Variants in MVK observed in about 807,000 individuals in gnomAD.
The protein encoded by MVK is LH receptor mRNA-binding protein.
In MVK, 34 loss-of-function variants were observed where a neutral mutation model predicts 43.2. That is an observed-to-expected ratio of 0.79 (90% CI 0.60 to 1.05). MVK has a LOEUF of 1.05. MVK is among the 50% of genes least tolerant of loss of function. The pLI, the probability that MVK is intolerant of heterozygous loss-of-function variation, is 0.00. For missense variants in MVK, 395 were observed against 504.0 expected (o/e 0.78, Z 2.07); for synonymous variants, 190 against 219.8 (o/e 0.86, Z 1.20).
chr12:109,586,008 A>T lies in MVK; in HGVS notation c.528-14A>T. 1 of 1,607,156 alleles carries T rather than the reference A, an allele frequency of 6.2e-7. No homozygotes were observed. Among genetic ancestry groups the T allele is most frequent in the East Asian group, 2.2e-5 (1 of 44,834 alleles). On this transcript the variant is annotated splice_polypyrimidine_tract_variant and intron_variant, in intron 5 of 10. Transcript: ENST00000228510. ...CCTCACTGCCACAGTAAAGATGAAC[A>T]TCTGTGTCTTCAGGTGGACCAAGGA...
chr12:109,594,711 G>A (rs1337272437), intron 9 of MVK, among the ~76,000 whole-genome samples: 1 of 152,240 alleles, frequency 6.6e-6, no homozygotes, highest in African/African-American at 2.4e-5. Flanking sequence ...GAAACCCTGG[G>A]AGGGCTGTGA....
intron 7 of MVK, chr12:109,587,134 C>T (rs1885470203): frequency 5.6e-6 from 2 of 356,948 alleles, no homozygotes; most frequent in Non-Finnish European, 1.1e-5. Flanking sequence ...TGATGCTGCA[C>T]TGGGGCGTAG....
At chr12:109,575,850 A>C (rs1884926428) in intron 2 of MVK, 148 bp from the exon 3 acceptor site, 1 of 941,476 alleles carries the variant, frequency 1.1e-6, no homozygotes, top group Non-Finnish European at 1.7e-6. Flanking sequence ...GCTTAGTGGG[A>C]GAGCATGCCA....
In MVK at chr12:109,586,120, C is replaced by T; in HGVS notation, c.626C>T (p.Thr209Ile). ...NPSGVDNAVS[T>I]WGGALRYHQG... ...TCCGGAGTGGACAATGCTGTCAGCA[C>T]CTGGGGTAGGTGTGGCCTCAGGTTT... The change falls in exon 6 of 11, where the codon ACC becomes ATC. Residue 209 changes from threonine (T) to isoleucine (I), a missense_variant. Physicochemically the swap from Thr to Ile is moderately conservative, Grantham distance 89. Coordinates refer to ENST00000228510, the MANE Select transcript of MVK (RefSeq NM_000431.4). The T allele has an allele frequency of 2.5e-6, 4 of 1,612,838 alleles. No individual in the cohort carries two copies. Among genetic ancestry groups the T allele is most frequent in the Non-Finnish European group, 3.4e-6 (4 of 1,178,808 alleles).
chr12:109,586,974 G>T, intron 7 of MVK, 175 bp downstream of exon 7: 4 of 696,322 alleles, frequency 5.7e-6, no homozygotes, highest in Middle Eastern at 3.9e-4. Flanking sequence ...GGGAAGACCT[G>T]CTCTCTCCTT....
chr12:109,587,798 T>C (rs140225171), intron 7 of MVK: 1,574 of 152,414 alleles, frequency 0.01, 20 homozygotes, highest in African/African-American at 0.031. Context: ...CATGCCTCCC[T>C]TTCCAAGGCT....
intron 3 of MVK, among the ~76,000 whole-genome samples, chr12:109,577,528 T>G (rs1885010214): frequency 6.6e-6 from 1 of 152,270 alleles, no homozygotes; most frequent in Admixed American, 6.5e-5. Context: ...CAGGCTGGTC[T>G]GGAACTCCTG....
chr12:109,573,841 GGGCGGCGGCCGGGGA>G lies in MVK; in HGVS notation c.-37_-23del, dbSNP rs1364409887. 2 of 221,570 alleles carry G rather than the reference GGGCGGCGGCCGGGGA, an allele frequency of 9.0e-6. No homozygotes were observed. The highest frequency in any genetic ancestry group is 2.7e-4 in the East Asian group (2 of 7,380). 13.7% of individuals were successfully genotyped at this position (221,570 alleles called of 1,614,324 possible). On this transcript the variant is annotated 5_prime_UTR_variant, in exon 1 of 11. Transcript: ENST00000228510. Reference sequence around the variant, plus strand: ...GAGCTGCTCCGGCTTCGGCGCGGAGGGGCGGCGGCCGGGGAGGCGGCGGCGGCGGCAGGTGAGAGG... The same window carrying G: ...GAGCTGCTCCGGCTTCGGCGCGGAGGGGCGGCGGCGGCGGCAGGTGAGAGG...
upstream of MVK, chr12:109,573,460 C>G: frequency 6.2e-7 from 1 of 1,606,276 alleles, no homozygotes; most frequent in South Asian, 1.1e-5. Context: ...CAAGACGGCT[C>G]CCCAGGCCGC....
chr12:109,582,411 A>G (rs1463026014), intron 5 of MVK, among the ~76,000 whole-genome samples: 1 of 152,102 alleles, frequency 6.6e-6, no homozygotes, highest in Non-Finnish European at 1.5e-5. Context: ...ATCTTGGCTC[A>G]CTGCAACCTC....
rs566491549 is a variant in MVK, at chr12:109,580,914, G to A, written c.372-481G>A. On this transcript the variant is annotated intron_variant, in intron 4 of 10. Transcript: ENST00000228510. ...AGCGGTGGAGGGAGGGAGGGCAGGCGGGGGTCCTAGAAGGGGAGCCAGGAG... is the reference window on the plus strand; with the variant it reads ...AGCGGTGGAGGGAGGGAGGGCAGGCAGGGGTCCTAGAAGGGGAGCCAGGAG... 2.6e-5 allele frequency among the ~76,000 whole-genome samples: 4 copies of A among 152,216 alleles called. No homozygotes were observed. The South Asian group carries it at 8.3e-4, about 32-fold the overall frequency.
At chr12:109,573,459 TC>T (rs1328916645), upstream of MVK, 2 of 1,606,130 alleles carry the variant, frequency 1.2e-6, no homozygotes, top group South Asian at 1.1e-5. Flanking sequence ...CCAAGACGGC[TC>T]CCCAGGCCGC....
At chr12:109,587,755 T>C (rs1885501523) in intron 7 of MVK, 1 of 152,390 alleles carries the variant, frequency 6.6e-6, no homozygotes, top group South Asian at 2.1e-4. Context: ...GGCCCCCGGC[T>C]AGTTCTCTGG....
intron 3 of MVK, 122 bp from the exon 4 acceptor site, chr12:109,579,680 C>A (rs962415028): frequency 4.6e-5 from 63 of 1,360,682 alleles, no homozygotes; most frequent in Non-Finnish European, 6.2e-5. Flanking sequence ...GGGTTCAGAC[C>A]ATAAATTCGT....
upstream of MVK, chr12:109,573,364 G>C: frequency 6.2e-7 from 1 of 1,613,120 alleles, no homozygotes; most frequent in East Asian, 2.2e-5. Flanking sequence ...CGTCTTCCAC[G>C]CCCTGAGGGC....
intron 7 of MVK, chr12:109,588,703 GTTCA>G (rs1885548133): frequency 6.6e-6 from 1 of 152,394 alleles, no homozygotes; most frequent in East Asian, 1.9e-4. Flanking sequence ...TGCTGGCCGA[GTTCA>G]TTCATCCTTT....
intron 5 of MVK, 88 bp downstream of exon 5, chr12:109,581,638 G>A: frequency 6.3e-7 from 1 of 1,581,916 alleles, no homozygotes; most frequent in Non-Finnish European, 8.7e-7. Flanking sequence ...CCACCTCCCT[G>A]TGAGGTGAGA....
intron 7 of MVK, chr12:109,590,134 T>C (rs1885603621): frequency 1.2e-5 from 2 of 167,176 alleles, no homozygotes; most frequent in Admixed American, 1.1e-4. Flanking sequence ...CCTCCCTGCA[T>C]TTACGAGCCC....
chr12:109,591,528 C>T (rs535532469), intron 9 of MVK, among the ~76,000 whole-genome samples, 171 bp downstream of exon 9: 80 of 152,336 alleles, frequency 5.3e-4, no homozygotes, highest in African/African-American at 1.9e-3. Flanking sequence ...GCCATATAAG[C>T]GTATCTTATT....
Sources: allele counts gnomAD v4.1 joint callset (sites outside exome capture counted in the v4.1 genomes callset), GRCh38; gene constraint gnomAD v4.1.1; transcripts MANE v1.5; gene names NCBI Gene and HGNC (gene_info 2026-07-23, HGNC 2026-07-21).